Variants in PIEZO2 observed in about 807,000 individuals in gnomAD.
PIEZO2 encodes piezo-type mechanosensitive ion channel component 2.
Under a neutral mutation model 337.3 loss-of-function variants are expected in PIEZO2, and 172 were observed. The observed-to-expected ratio is 0.51, with a 90% confidence interval of 0.45 to 0.58. PIEZO2 has a LOEUF of 0.58. Ranked by LOEUF, PIEZO2 falls within the 20% of genes least tolerant of loss-of-function variation. The probability of loss-of-function intolerance (pLI) is 0.00; values close to 1 mark genes in which losing one functional copy is unlikely to be tolerated. For missense variants in PIEZO2, 3,028 were observed against 3,391.3 expected (o/e 0.89, Z 2.66); for synonymous variants, 1,251 against 1,228.5 (o/e 1.02, Z -0.38).
Position 10,821,612 on chromosome 18 carries a change from G to T in PIEZO2, c.918-14338C>A, listed in dbSNP as rs1324841513. On this transcript the variant is annotated intron_variant, in intron 7 of 55. Transcript: ENST00000674853. This position sits in a 1 kb window ranked among gnomAD's most constrained non-coding sequence, Gnocchi z 4.2. Reference sequence around the variant, plus strand: ...TTTTCTCTCTTCTTACCTCATTTCAGATACAACCTAGAAGTTTTCCAGGTT... The same window carrying T: ...TTTTCTCTCTTCTTACCTCATTTCATATACAACCTAGAAGTTTTCCAGGTT... Among the ~76,000 whole-genome samples, 7 of 151,898 alleles carry T rather than the reference G, an allele frequency of 4.6e-5. No homozygotes were observed. The highest frequency in any genetic ancestry group is 1.0e-4 in the Non-Finnish European group (7 of 67,998).
intron 3 of PIEZO2, among the ~76,000 whole-genome samples, chr18:10,950,236 C>T (rs560102669): frequency 1.1e-4 from 17 of 152,238 alleles, no homozygotes; most frequent in African/African-American, 3.4e-4. Flanking sequence ...CTCTATGTAA[C>T]GAGACGGGGG....
In PIEZO2 at chr18:10,953,659, G is replaced by C. The variant is rs1209373354; in HGVS notation, c.286+25876C>G. 1.3e-5 allele frequency among the ~76,000 whole-genome samples: 2 copies of C among 151,992 alleles called. No individual in the cohort carries two copies. Among genetic ancestry groups the C allele is most frequent in the Admixed American group, 1.3e-4 (2 of 15,254 alleles). On this transcript the variant is annotated intron_variant, in intron 3 of 55. Coordinates refer to ENST00000674853, the MANE Select transcript of PIEZO2 (RefSeq NM_001378183.1). The surrounding 1 kb of genome is among the most constrained non-coding windows in gnomAD (Gnocchi z 5.2). ...GACCTCGTATTCACCTCATTAGTGA[G>C]GAAGGCATCCACTGCCCTAAACAGA...
In PIEZO2 at chr18:11,080,784, C is replaced by T. The variant is rs913651657; in HGVS notation, c.65-14562G>A. Among the ~76,000 whole-genome samples, 2 of 152,120 alleles carry T rather than the reference C, an allele frequency of 1.3e-5. No homozygotes were observed. Among genetic ancestry groups the T allele is most frequent in the Non-Finnish European group, 2.9e-5 (2 of 68,036 alleles). On this transcript the variant is annotated intron_variant, in intron 1 of 55. Transcript: ENST00000674853. This position sits in a 1 kb window ranked among gnomAD's most constrained non-coding sequence, Gnocchi z 5.4. ...GCTTGAACTCGGGAGGCGGAGGTCA[C>T]GGTGAGCCAAGATGGTGCCACTGCA...
intron 1 of PIEZO2, among the ~76,000 whole-genome samples, chr18:11,100,807 G>T (rs557811211): frequency 1.3e-5 from 2 of 152,142 alleles, no homozygotes; most frequent in East Asian, 3.9e-4. Flanking sequence ...GTGTTAGCCA[G>T]GATGGTCTCG....
At chr18:10,797,094 CAT>C (rs1308070378) in intron 12 of PIEZO2, among the ~76,000 whole-genome samples, 2 of 151,068 alleles carry the variant, frequency 1.3e-5, no homozygotes, top group East Asian at 3.9e-4. Flanking sequence ...TCTTATATAC[CAT>C]TATATATGTA....
intron 2 of PIEZO2, among the ~76,000 whole-genome samples, chr18:11,022,447 TGTCTCA>T (rs1227217394): frequency 4.6e-5 from 7 of 152,166 alleles, no homozygotes. Context: ...AGACACTGAT[TGTCTCA>T]GTTGTAAAGG....
intron 13 of PIEZO2, among the ~76,000 whole-genome samples, chr18:10,793,091 T>TA (rs201114877): frequency 0.073 from 11,036 of 151,796 alleles, 432 homozygotes; most frequent in African/African-American, 0.1. Flanking sequence ...CCGTCTCTGC[T>TA]AAAAAAAATA....
At chr18:10,992,580 G>A (rs2035151825) in intron 2 of PIEZO2, among the ~76,000 whole-genome samples, 1 of 152,080 alleles carries the variant, frequency 6.6e-6, no homozygotes, top group African/African-American at 2.4e-5. Context: ...CTGTTCTATT[G>A]GTCTATATCT....
chr18:10,762,947 T>C lies in PIEZO2; in HGVS notation c.3098A>G (p.Glu1033Gly). 1 of 1,537,258 alleles carries C rather than the reference T, an allele frequency of 6.5e-7. No individual in the cohort carries two copies. Among genetic ancestry groups the C allele is most frequent in the Non-Finnish European group, 8.7e-7 (1 of 1,146,914 alleles). The change falls in exon 22 of 56, where the codon GAG becomes GGG. Residue 1033 changes from glutamate (E) to glycine (G), a missense_variant. Physicochemically the swap from Glu to Gly is moderately conservative, Grantham distance 98. Coordinates refer to ENST00000674853, the MANE Select transcript of PIEZO2 (RefSeq NM_001378183.1). The part of the protein sequence containing the change: ...MLYQLQTIKP[E>G]NFSVNCSLPN... ...CAAGGAACAGTTAACAGAGAAGTTCTCAGGCTTAATGGTTTGGAGCTGGTA... is the reference window on the plus strand; with the variant it reads ...CAAGGAACAGTTAACAGAGAAGTTCCCAGGCTTAATGGTTTGGAGCTGGTA...
intron 47 of PIEZO2, among the ~76,000 whole-genome samples, chr18:10,691,703 A>C (rs1169196670): frequency 6.7e-6 from 1 of 150,068 alleles, no homozygotes; most frequent in Non-Finnish European, 1.5e-5. Flanking sequence ...ACCATAGTCC[A>C]AATTAGACTC....
chr18:10,981,912 G>A (rs1341335240), intron 2 of PIEZO2, among the ~76,000 whole-genome samples: 1 of 152,188 alleles, frequency 6.6e-6, no homozygotes. Context: ...TGGTTTGCCA[G>A]GGGCACTTGG....
chr18:10,865,494 G>A (rs150736939), intron 5 of PIEZO2, among the ~76,000 whole-genome samples: 38 of 152,246 alleles, frequency 2.5e-4, no homozygotes, highest in Non-Finnish European at 4.6e-4. Flanking sequence ...CAAAGGATTT[G>A]TTGGTGGTGA....
At chr18:10,700,363 G>C (rs2035279760) in intron 43 of PIEZO2, among the ~76,000 whole-genome samples, 2 of 151,644 alleles carry the variant, frequency 1.3e-5, no homozygotes, top group Non-Finnish European at 2.9e-5. Context: ...AAAGCTATGG[G>C]GTAGCTTGTC....
At chr18:10,752,505 T>C in intron 28 of PIEZO2, 131 bp downstream of exon 28, 1 of 1,148,724 alleles carries the variant, frequency 8.7e-7, no homozygotes, top group Admixed American at 2.8e-5. Flanking sequence ...TTTTGAATTC[T>C]GAATTTGCAG....
At position 11,101,334 on chromosome 18, in the gene PIEZO2, C is replaced by T. The variant is rs2039413359; in HGVS notation, c.65-35112G>A. 6.6e-6 allele frequency among the ~76,000 whole-genome samples: 1 copy of T among 152,364 alleles called. No homozygotes were observed. Among genetic ancestry groups the T allele is most frequent in the South Asian group, 2.1e-4 (1 of 4,832 alleles). Reference sequence around the variant, plus strand: ...AGTGCTGCACGTGGGTCCCCACGCACCACTTGCTGGCCCCATGAAGCACTC... The same window carrying T: ...AGTGCTGCACGTGGGTCCCCACGCATCACTTGCTGGCCCCATGAAGCACTC... On this transcript the variant is annotated intron_variant, in intron 1 of 55. Coordinates refer to ENST00000674853, the MANE Select transcript of PIEZO2 (RefSeq NM_001378183.1). The surrounding 1 kb of genome is among the most constrained non-coding windows in gnomAD (Gnocchi z 4.4).
rs1266394381 is a variant in PIEZO2 at position 10,982,491 on chromosome 18, A to C, written c.161-2831T>G. On this transcript the variant is annotated intron_variant, in intron 2 of 55. Coordinates refer to ENST00000674853, the MANE Select transcript of PIEZO2 (RefSeq NM_001378183.1). This position sits in a 1 kb window ranked among gnomAD's most constrained non-coding sequence, Gnocchi z 4.1. ...TCCCCAAAATTTAGTCTAAAAATTCAGTACAGTTTAAAATAAAATGCCAGT... is the reference window on the plus strand; with the variant it reads ...TCCCCAAAATTTAGTCTAAAAATTCCGTACAGTTTAAAATAAAATGCCAGT... 6.6e-6 allele frequency among the ~76,000 whole-genome samples: 1 copy of C among 152,244 alleles called. No individual in the cohort carries two copies. Among genetic ancestry groups the C allele is most frequent in the East Asian group, 1.9e-4 (1 of 5,200 alleles).
intron 2 of PIEZO2, among the ~76,000 whole-genome samples, chr18:11,062,290 T>C (rs774570843): frequency 2.4e-4 from 37 of 152,114 alleles, no homozygotes; most frequent in Non-Finnish European, 3.4e-4. Context: ...ATGTTAGACC[T>C]AAAACCATAA....
At chr18:10,749,070 ATAGTATGCCTTATCTT>A (rs2037541398) in intron 29 of PIEZO2, among the ~76,000 whole-genome samples, 1 of 152,226 alleles carries the variant, frequency 6.6e-6, no homozygotes, top group African/African-American at 2.4e-5. Flanking sequence ...AGGAGTATCA[ATAGTATGCCTTATCTT>A]AAGTGAAAAA....
At chr18:11,024,953 T>C (rs561648144) in intron 2 of PIEZO2, among the ~76,000 whole-genome samples, 1 of 150,268 alleles carries the variant, frequency 6.7e-6, no homozygotes, top group Non-Finnish European at 1.5e-5. Flanking sequence ...TTTTTTTTTT[T>C]TTTAAATAAT....
Sources: gnomAD v4.1 joint callset for allele counts (sites outside exome capture counted in the v4.1 genomes callset) on GRCh38, gnomAD v4.1.1 for gene constraint, Gnocchi (gnomAD v3.1) non-coding constraint, MANE v1.5 for transcripts, NCBI Gene and HGNC (gene_info 2026-07-23, HGNC 2026-07-21) for gene names.